The following ADGRL2 variants were observed in gnomAD, a reference collection of about 807,000 sequenced individuals.
ADGRL2 encodes adhesion G protein-coupled receptor L2, also known as calcium-independent alpha-latrotoxin receptor 2.
In ADGRL2, 44 loss-of-function variants were observed where a neutral mutation model predicts 157.4. That is an observed-to-expected ratio of 0.28 (90% CI 0.22 to 0.36). The LOEUF is 0.36. Ranked by LOEUF, ADGRL2 falls within the 10% of genes least tolerant of loss-of-function variation. ADGRL2 has a pLI of 1.00. For missense variants in ADGRL2, 1,510 were observed against 1,768.9 expected (o/e 0.85, Z 2.63); for synonymous variants, 585 against 624.7 (o/e 0.94, Z 0.95).
intron 1 of ADGRL2, among the ~76,000 whole-genome samples, chr1:81,728,400 T>C (rs909698262): frequency 6.6e-6 from 1 of 152,184 alleles, no homozygotes; most frequent in Non-Finnish European, 1.5e-5. Flanking sequence ...CATATTAACA[T>C]GTAAAAAGCC....
chr1:81,338,414 A>G (rs915511783), intron 1 of ADGRL2, among the ~76,000 whole-genome samples: 1 of 152,138 alleles, frequency 6.6e-6, no homozygotes, highest in African/African-American at 2.4e-5. Context: ...TACTCTTAAT[A>G]TACAGGCAGT....
chr1:81,948,540 C>T (rs765067371), intron 6 of ADGRL2, among the ~76,000 whole-genome samples: 21 of 152,182 alleles, frequency 1.4e-4, no homozygotes, highest in Non-Finnish European at 2.6e-4. Flanking sequence ...CCCTTTAAGA[C>T]TTGATTCAGC....
At chr1:81,717,060 C>T (rs2084142208) in intron 1 of ADGRL2, among the ~76,000 whole-genome samples, 1 of 152,166 alleles carries the variant, frequency 6.6e-6, no homozygotes, top group South Asian at 2.1e-4. Context: ...TTGTTATTAG[C>T]ATACATGAGC....
At chr1:81,925,558 T>TAAA (rs79070762) in intron 3 of ADGRL2, among the ~76,000 whole-genome samples, 1 of 143,220 alleles carries the variant, frequency 7.0e-6, no homozygotes. Context: ...CCCTCTTGAT[T>TAAA]AAAAAAAAAA....
chr1:81,399,597 A>T (rs930051078), intron 1 of ADGRL2, among the ~76,000 whole-genome samples: 2 of 152,008 alleles, frequency 1.3e-5, no homozygotes, highest in African/African-American at 4.8e-5. Context: ...TTTTTATTTC[A>T]TTCACTGAAT....
At chr1:81,334,593 A>C (rs1214285509) in intron 1 of ADGRL2, among the ~76,000 whole-genome samples, 2 of 152,242 alleles carry the variant, frequency 1.3e-5, no homozygotes, top group Non-Finnish European at 1.5e-5. Flanking sequence ...CAAAGGCCTT[A>C]ATAAAACAGA....
intron 2 of ADGRL2, among the ~76,000 whole-genome samples, chr1:81,461,607 T>G (rs1571032075): frequency 6.6e-6 from 1 of 152,160 alleles, no homozygotes; most frequent in South Asian, 2.1e-4. Flanking sequence ...TCGAAACACT[T>G]TTCCCCCCTT....
chr1:81,438,288 G>A (rs994298877), intron 1 of ADGRL2, among the ~76,000 whole-genome samples: 9 of 152,164 alleles, frequency 5.9e-5, no homozygotes, highest in African/African-American at 1.9e-4. Flanking sequence ...TTGGCAAGCT[G>A]TTTGTTCCCC....
intron 2 of ADGRL2, among the ~76,000 whole-genome samples, chr1:81,510,299 C>T (rs779142180): frequency 6.6e-6 from 1 of 152,086 alleles, no homozygotes; most frequent in Non-Finnish European, 1.5e-5. Flanking sequence ...GCAAATTTGA[C>T]AGGAACATGC....
intron 2 of ADGRL2, among the ~76,000 whole-genome samples, chr1:81,486,553 A>C (rs1467513097): frequency 1.3e-5 from 2 of 152,174 alleles, no homozygotes; most frequent in Admixed American, 6.6e-5. Flanking sequence ...TTGAAAAAAA[A>C]CAACTGTATA....
chr1:81,520,364 C>T (rs557263049), intron 2 of ADGRL2, among the ~76,000 whole-genome samples: 15 of 152,194 alleles, frequency 9.9e-5, no homozygotes, highest in African/African-American at 2.9e-4. Context: ...ACACCATCCC[C>T]GCCCCTCTGC....
At chr1:81,622,300 T>C (rs1369964444) in intron 3 of ADGRL2, among the ~76,000 whole-genome samples, 2 of 152,132 alleles carry the variant, frequency 1.3e-5, no homozygotes, top group East Asian at 3.9e-4. Flanking sequence ...ACGTTTTTTT[T>C]GGCCGGGCAC....
intron 11 of ADGRL2, among the ~76,000 whole-genome samples, chr1:81,963,781 T>C (rs1044242519): frequency 4.0e-5 from 6 of 151,508 alleles, no homozygotes; most frequent in Admixed American, 2.0e-4. Flanking sequence ...TATTAAAGAT[T>C]TTTTGCATCA....
At chr1:81,931,939 C>G (rs1057472321) in intron 3 of ADGRL2, among the ~76,000 whole-genome samples, 2 of 152,134 alleles carry the variant, frequency 1.3e-5, no homozygotes, top group East Asian at 3.9e-4. Flanking sequence ...AGCGCCTGAC[C>G]CCGAAATTGT....
chr1:81,986,611 T>A (rs987419229), intron 21 of ADGRL2, among the ~76,000 whole-genome samples: 1 of 152,224 alleles, frequency 6.6e-6, no homozygotes, highest in African/African-American at 2.4e-5. Context: ...TAATTGCCAT[T>A]TTTGTTTAAC....
intron 3 of ADGRL2, among the ~76,000 whole-genome samples, chr1:81,684,703 G>T (rs2083194169): frequency 6.6e-6 from 1 of 152,126 alleles, no homozygotes; most frequent in Non-Finnish European, 1.5e-5. Flanking sequence ...TTAAATCCTT[G>T]CCTAAGCTAA....
chr1:81,791,516 A>T (rs1004052040), intron 2 of ADGRL2, among the ~76,000 whole-genome samples: 2 of 152,154 alleles, frequency 1.3e-5, no homozygotes, highest in Non-Finnish European at 2.9e-5. Flanking sequence ...AAATCTGTTG[A>T]TAGGAGGGGT....
chr1:81,855,896 G>A (rs1322590335), intron 2 of ADGRL2, among the ~76,000 whole-genome samples: 1 of 152,186 alleles, frequency 6.6e-6, no homozygotes, highest in African/African-American at 2.4e-5. Context: ...TGAAATTTCC[G>A]AAGTCATATT....
chr1:81,774,479 T>A (rs1305358063), intron 2 of ADGRL2, among the ~76,000 whole-genome samples: 1 of 152,202 alleles, frequency 6.6e-6, no homozygotes, highest in Non-Finnish European at 1.5e-5. Flanking sequence ...GGGTGGCATT[T>A]TTTAAGTTAC....
Sources: gnomAD v4.1 joint callset for allele counts (sites outside exome capture counted in the v4.1 genomes callset) on GRCh38, gnomAD v4.1.1 for gene constraint, MANE v1.5 for transcripts, NCBI Gene and HGNC (gene_info 2026-07-23, HGNC 2026-07-21) for gene names.